DLG2: variants seen among roughly 807,000 people sequenced by gnomAD.
DLG2 encodes disks large homolog 2.
In DLG2, 45 loss-of-function variants were observed where a neutral mutation model predicts 132.5. The observed-to-expected ratio is 0.34, with a 90% CI of 0.27 to 0.44. The LOEUF is 0.44. DLG2 is among the 20% of genes least tolerant of loss of function. DLG2 has a pLI of 1.00. For missense variants in DLG2, 1,045 were observed against 1,196.9 expected (o/e 0.87, Z 1.87); for synonymous variants, 424 against 419.6 (o/e 1.01, Z -0.13).
intron 6 of DLG2, among the ~76,000 whole-genome samples, chr11:84,570,121 T>A (rs999039587): frequency 6.6e-6 from 1 of 152,142 alleles, no homozygotes; most frequent in Non-Finnish European, 1.5e-5. Context: ...CAAAGATGGA[T>A]TCTATGATTT....
chr11:83,682,986 T>A (rs150080498), intron 18 of DLG2, among the ~76,000 whole-genome samples: 1 of 152,118 alleles, frequency 6.6e-6, no homozygotes, highest in African/African-American at 2.4e-5. Flanking sequence ...GTACAGTGCC[T>A]TTCTATTCTA....
intron 4 of DLG2, among the ~76,000 whole-genome samples, chr11:85,240,539 T>G (rs941547405): frequency 1.3e-5 from 2 of 151,858 alleles, no homozygotes; most frequent in South Asian, 2.1e-4. Context: ...TATTAAGATT[T>G]TAAAGGCTTG....
chr11:83,863,663 T>G (rs146108957), intron 16 of DLG2, among the ~76,000 whole-genome samples: 1 of 151,530 alleles, frequency 6.6e-6, no homozygotes, highest in African/African-American at 2.4e-5. Context: ...AAAAATAAAC[T>G]GTCAAAAAAA....
intron 3 of DLG2, among the ~76,000 whole-genome samples, chr11:85,392,012 A>G (rs934067556): frequency 6.6e-6 from 1 of 152,130 alleles, no homozygotes; most frequent in Admixed American, 6.6e-5. Flanking sequence ...GTGTTTACTG[A>G]TGATGTGATT....
chr11:84,559,299 T>C (rs1194324151), intron 6 of DLG2, among the ~76,000 whole-genome samples: 2 of 152,084 alleles, frequency 1.3e-5, no homozygotes, highest in Non-Finnish European at 2.9e-5. Flanking sequence ...ACACAGAAGA[T>C]ACAGCTTCTG....
intron 6 of DLG2, among the ~76,000 whole-genome samples, chr11:84,676,722 C>T (rs781526801): frequency 2.6e-5 from 4 of 152,032 alleles, no homozygotes; most frequent in South Asian, 2.1e-4. Flanking sequence ...CTTGTCTTTA[C>T]ATTCTAGTAG....
chr11:85,442,941 G>T (rs889606367), intron 3 of DLG2, among the ~76,000 whole-genome samples: 15 of 152,110 alleles, frequency 9.9e-5, no homozygotes, highest in East Asian at 1.9e-4. Context: ...GAGGAAGAAG[G>T]AGGGAAGATA....
At position 85,051,173 on chromosome 11, in the gene DLG2, T is replaced by C. The variant is rs187570234; in HGVS notation, c.357+60488A>G. Among the ~76,000 whole-genome samples, 663 of 152,306 alleles carry C rather than the reference T, an allele frequency of 4.4e-3. 2 individuals are homozygous for C. Among genetic ancestry groups the C allele is most frequent in the Non-Finnish European group, 7.6e-3 (514 of 68,012 alleles). On this transcript the variant is annotated intron_variant, in intron 6 of 27. Coordinates refer to ENST00000376104, the MANE Select transcript of DLG2 (RefSeq NM_001142699.3). ...GCCTGTCAATAGTGCCTCAGAACTT[T>C]AACTAGATGTTAGGACACAATGATG... is the stretch of plus-strand genomic sequence containing the variant.
intron 6 of DLG2, among the ~76,000 whole-genome samples, chr11:84,933,990 G>T (rs1334146960): frequency 6.6e-6 from 1 of 152,138 alleles, no homozygotes; most frequent in Non-Finnish European, 1.5e-5. Flanking sequence ...TACGATGTTG[G>T]TTGTCGGTTT....
At chr11:83,493,336 TTTCCTTCCTTCCTTCC>T (rs201830272) in intron 21 of DLG2, among the ~76,000 whole-genome samples, 4,747 of 132,090 alleles carry the variant, frequency 0.036, 112 homozygotes, top group Non-Finnish European at 0.041. Context: ...CTTTTCTTTC[TTTCCTTCCTTCCTTCC>T]TTCCTTCCTT....
At chr11:83,660,412 TACAAC>T (rs1315990973) in intron 18 of DLG2, among the ~76,000 whole-genome samples, 1 of 152,226 alleles carries the variant, frequency 6.6e-6, no homozygotes, top group Non-Finnish European at 1.5e-5. Context: ...TTAAAAATTT[TACAAC>T]AAAATCCACA....
chr11:84,064,379 G>C (rs1406116722), intron 10 of DLG2, among the ~76,000 whole-genome samples: 2 of 152,124 alleles, frequency 1.3e-5, no homozygotes, highest in African/African-American at 4.8e-5. Flanking sequence ...GTTTTATACT[G>C]GACATATATC....
chr11:84,022,029 G>T (rs1481737135), intron 11 of DLG2, among the ~76,000 whole-genome samples: 1 of 152,092 alleles, frequency 6.6e-6, no homozygotes, highest in African/African-American at 2.4e-5. Context: ...TTACAGGTGT[G>T]AGTCACCCCA....
At chr11:84,778,263 T>C (rs950748721) in intron 6 of DLG2, among the ~76,000 whole-genome samples, 1 of 152,162 alleles carries the variant, frequency 6.6e-6, no homozygotes, top group African/African-American at 2.4e-5. Flanking sequence ...CAGTTGGTTG[T>C]AGTTATGTGG....
At chr11:84,465,563 A>G (rs984922420) in intron 7 of DLG2, among the ~76,000 whole-genome samples, 6 of 151,282 alleles carry the variant, frequency 4.0e-5, no homozygotes, top group African/African-American at 1.5e-4. Flanking sequence ...TTATACTCTA[A>G]TAATATTTAT....
At chr11:85,197,130 C>A (rs1170319001) in intron 4 of DLG2, among the ~76,000 whole-genome samples, 1 of 152,152 alleles carries the variant, frequency 6.6e-6, no homozygotes, top group Non-Finnish European at 1.5e-5. Flanking sequence ...ATTGCTAGGC[C>A]TCTATACAAT....
intron 4 of DLG2, among the ~76,000 whole-genome samples, chr11:85,237,493 A>C (rs1328905149): frequency 6.6e-6 from 1 of 152,050 alleles, no homozygotes; most frequent in Non-Finnish European, 1.5e-5. Flanking sequence ...TTGTGCAGTC[A>C]AAAATCCATT....
rs549169764 is a variant in DLG2, at chr11:84,181,614, T to G, written c.574-18103A>C. ...ATTAGATTAAAAAGCAAGACATGACTGTATGTTGTCTACAAGAAAAACACC... is the reference window on the plus strand; with the variant it reads ...ATTAGATTAAAAAGCAAGACATGACGGTATGTTGTCTACAAGAAAAACACC... On this transcript the variant is annotated intron_variant, in intron 8 of 27. Coordinates refer to ENST00000376104, the MANE Select transcript of DLG2 (RefSeq NM_001142699.3). Among the ~76,000 whole-genome samples the G allele has an allele frequency of 4.6e-4, 70 of 152,250 alleles. 1 individual carries two copies. Among genetic ancestry groups the G allele is most frequent in the Admixed American group, 3.9e-3 (60 of 15,280 alleles).
chr11:84,882,012 A>T (rs1346202498), intron 6 of DLG2, among the ~76,000 whole-genome samples: 1 of 152,128 alleles, frequency 6.6e-6, no homozygotes, highest in Non-Finnish European at 1.5e-5. Flanking sequence ...ATTTGTGGCT[A>T]TTGTTCTCAG....
Sources: allele counts gnomAD v4.1 joint callset (sites outside exome capture counted in the v4.1 genomes callset), GRCh38; gene constraint gnomAD v4.1.1; transcripts MANE v1.5; gene names NCBI Gene and HGNC (gene_info 2026-07-23, HGNC 2026-07-21).